The following CEP83 variants were observed in gnomAD, a reference collection of about 807,000 sequenced individuals.
CEP83 encodes centrosomal protein of 83 kDa.
CEP83 carries 70 observed loss-of-function variants against 101.9 expected under a neutral mutation model. The ratio of observed to expected loss-of-function variants is 0.69; its 90% CI spans 0.57 to 0.84. CEP83 has a LOEUF of 0.84. CEP83 is among the 40% of genes least tolerant of loss of function. CEP83 has a pLI of 0.00. For synonymous variants in CEP83, 264 were observed against 267.9 expected (o/e 0.99, Z 0.14); for missense variants, 715 against 787.2 (o/e 0.91, Z 1.10).
chr12:94,328,187 G>GA (rs1308867574), intron 14 of CEP83: 3 of 195,716 alleles, frequency 1.5e-5, no homozygotes, highest in African/African-American at 2.4e-5. Context: ...CAAGAAAAAA[G>GA]AAAAAAACCC....
At chr12:94,382,665 T>G (rs2061914480) in intron 6 of CEP83, among the ~76,000 whole-genome samples, 1 of 151,976 alleles carries the variant, frequency 6.6e-6, no homozygotes, top group Non-Finnish European at 1.5e-5. Context: ...CCCTGTTATT[T>G]TCTGTTATTA....
At chr12:94,300,843 G>A in the CEP83 span, 2 of 1,484,524 alleles carry the variant, frequency 1.3e-6, no homozygotes, top group Admixed American at 1.8e-5. Flanking sequence ...TTTACAAACT[G>A]TGATAAACAG....
chr12:94,380,165 T>C (rs2061768132), intron 6 of CEP83, among the ~76,000 whole-genome samples: 2 of 151,952 alleles, frequency 1.3e-5, no homozygotes, highest in Non-Finnish European at 2.9e-5. Flanking sequence ...AACAACTGTT[T>C]GATCACAGCA....
intron 1 of CEP83, among the ~76,000 whole-genome samples, chr12:94,451,303 G>T (rs909164591): frequency 6.6e-6 from 1 of 151,926 alleles, no homozygotes; most frequent in African/African-American, 2.4e-5. Flanking sequence ...ACACACAAAA[G>T]AAATGACTTC....
At chr12:94,368,514 T>A (rs528223400) in intron 9 of CEP83, 1 of 210,288 alleles carries the variant, frequency 4.8e-6, no homozygotes, top group South Asian at 1.2e-4. Context: ...ACCAGAGGTT[T>A]ACTTACTTCA....
chr12:94,314,463 A>T (rs1235430657), intron 14 of CEP83, among the ~76,000 whole-genome samples: 1 of 152,216 alleles, frequency 6.6e-6, no homozygotes, highest in African/African-American at 2.4e-5. Context: ...TATACATACA[A>T]TCATAGTATG....
the CEP83 span, among the ~76,000 whole-genome samples, chr12:94,289,164 A>AT: frequency 5.1e-4 from 78 of 152,156 alleles, no homozygotes; most frequent in Non-Finnish European, 6.8e-4. Flanking sequence ...AAGAAATCTT[A>AT]CCTTCACTTG....
downstream of CEP83, among the ~76,000 whole-genome samples, chr12:94,302,209 G>A (rs1192398342): frequency 6.6e-6 from 1 of 152,168 alleles, no homozygotes; most frequent in African/African-American, 2.4e-5. Context: ...AGCCCTCTTT[G>A]CTGGCCTCGT....
intron 11 of CEP83, among the ~76,000 whole-genome samples, chr12:94,342,104 T>G (rs182935946): frequency 6.6e-6 from 1 of 152,336 alleles, no homozygotes; most frequent in Non-Finnish European, 1.5e-5. Flanking sequence ...AGATTCATGC[T>G]TTTAGAATCA....
At position 94,311,102 on chromosome 12, in the gene CEP83, A is replaced by G. The variant is rs140689370; in HGVS notation, c.1812-995T>C. 5.3e-5 allele frequency among the ~76,000 whole-genome samples: 8 copies of G among 152,306 alleles called. No individual in the cohort carries two copies. The East Asian group carries it at 5.8e-4, about 11-fold the overall frequency. On this transcript the variant is annotated intron_variant, in intron 15 of 16. Transcript: ENST00000397809. ...AGGTTGAGTTGATCACCAATGGCCA[A>G]TGATGTAATCAATCATGCCTATGTA...
the CEP83 span, among the ~76,000 whole-genome samples, chr12:94,294,266 C>T: frequency 2.0e-5 from 3 of 152,284 alleles, no homozygotes; most frequent in Admixed American, 6.5e-5. Context: ...CCTCATCAGC[C>T]TCCTCCACAG....
the CEP83 span, chr12:94,278,155 CA>C: frequency 7.8e-6 from 3 of 386,560 alleles, no homozygotes; most frequent in South Asian, 5.5e-5. Flanking sequence ...CCAAAAAAAA[CA>C]AAACAAAATT....
At chr12:94,376,189 A>T (rs765488242) in intron 7 of CEP83, among the ~76,000 whole-genome samples, 172 bp from the exon 8 acceptor site, 1 of 152,318 alleles carries the variant, frequency 6.6e-6, no homozygotes, top group Middle Eastern at 3.4e-3. Context: ...TTCAAACGAA[A>T]GATAGTGTTC....
chr12:94,450,006 T>C (rs1396734281), intron 1 of CEP83, among the ~76,000 whole-genome samples: 1 of 152,138 alleles, frequency 6.6e-6, no homozygotes, highest in Non-Finnish European at 1.5e-5. Flanking sequence ...GGGAGCTTCC[T>C]TAACCTTCTT....
chr12:94,443,015 T>C (rs968675601), intron 1 of CEP83, among the ~76,000 whole-genome samples: 1 of 152,192 alleles, frequency 6.6e-6, no homozygotes, highest in Non-Finnish European at 1.5e-5. Context: ...CCTACAAATA[T>C]CACCAAAACA....
At chr12:94,370,904 T>C (rs1397829771) in intron 8 of CEP83, among the ~76,000 whole-genome samples, 3 of 151,960 alleles carry the variant, frequency 2.0e-5, no homozygotes, top group African/African-American at 7.3e-5. Context: ...GAGGATCACT[T>C]GAGTCTAGGG....
chr12:94,338,969 T>C (rs1593246319), intron 11 of CEP83, among the ~76,000 whole-genome samples: 1 of 151,884 alleles, frequency 6.6e-6, no homozygotes, highest in Non-Finnish European at 1.5e-5. Context: ...CTTTTTTTTT[T>C]TTTCTTTTTT....
At chr12:94,297,339 C>T in the CEP83 span, 14 of 1,613,886 alleles carry the variant, frequency 8.7e-6, no homozygotes, top group Middle Eastern at 1.6e-4. Flanking sequence ...CGGAAGCATT[C>T]CAAGATGTGC....
chr12:94,409,283 T>C (rs2137735662), intron 4 of CEP83, among the ~76,000 whole-genome samples: 1 of 152,154 alleles, frequency 6.6e-6, no homozygotes, highest in East Asian at 1.9e-4. Context: ...AAACTAGATA[T>C]GTTTATCTTA....
Sources: gnomAD v4.1 joint callset for allele counts (sites outside exome capture counted in the v4.1 genomes callset) on GRCh38, gnomAD v4.1.1 for gene constraint, MANE v1.5 for transcripts, NCBI Gene and HGNC (gene_info 2026-07-23, HGNC 2026-07-21) for gene names.